The following UNC45B variants were observed in gnomAD, a reference collection of about 807,000 sequenced individuals.
UNC45B encodes the protein unc-45 myosin chaperone B.
A neutral mutation model predicts 98.7 loss-of-function variants in UNC45B; 78 were observed. The observed-to-expected ratio is 0.79, with a 90% confidence interval of 0.66 to 0.95. The LOEUF (loss-of-function observed/expected upper bound fraction) is 0.95, where lower values mean the gene tolerates loss of function less well. UNC45B is among the 40% of genes least tolerant of loss of function. UNC45B has a pLI of 0.00. For missense variants in UNC45B, 1,225 were observed against 1,184.9 expected, an observed-to-expected ratio of 1.03 and a Z score of -0.50; for synonymous variants, 462 against 480.4, an observed-to-expected ratio of 0.96 and a Z score of 0.50.
intron 6 of UNC45B, among the ~76,000 whole-genome samples, 195 bp from the exon 7 acceptor site, chr17:35,155,101 C>A (rs1489612605): frequency 6.6e-6 from 1 of 152,256 alleles, no homozygotes; most frequent in Non-Finnish European, 1.5e-5. Context: ...TGGCACAGCT[C>A]TGACCTCCAG....
rs1462835250 is a variant in UNC45B, at chr17:35,183,474, G to A, written c.2421G>A (p.Val807=). 4 of 1,603,876 alleles carry A rather than the reference G, an allele frequency of 2.5e-6. No homozygotes were observed. Among genetic ancestry groups the A allele is most frequent in the Non-Finnish European group, 3.4e-6 (4 of 1,174,652 alleles). The change falls in exon 19 of 20, where the codon GTG becomes GTA. Residue 807 remains valine (V), a synonymous_variant. Transcript: ENST00000394570. The stretch of plus-strand genomic sequence containing the variant: ...ACGGGAATGACCGGCTGAAGCTGGT[G>A]GTGCTGCTCTGCGGGGAGGATGATG... ...LADGNDRLKL[V]VLLCGEDDDK...
In UNC45B at chr17:35,164,046, G is replaced by C. The variant is rs1322230331; in HGVS notation, c.1031G>C (p.Cys344Ser). Residue 344 changes from cysteine (C) to serine (S), a missense_variant, in exon 9 of 20, where the codon TGC (cysteine) becomes TCC (serine). By Grantham distance (112) the Cys-to-Ser change is moderately radical. Coordinates refer to ENST00000394570, the MANE Select transcript of UNC45B (RefSeq NM_001267052.2). ...GGGCAGGTTCCAGATCTGCCATCCT[G>C]CCTGCCCCTGACTGACAACACCCGC... ...VVGQVPDLPS[C>S]LPLTDNTRML... 3 of 1,613,768 alleles carry C rather than the reference G, an allele frequency of 1.9e-6. No individual in the cohort carries two copies. In the African/African-American group the frequency reaches 4.0e-5, roughly 22 times the overall value.
In UNC45B at chr17:35,169,810, G is replaced by A. The variant is rs759533838; in HGVS notation, c.1453-27G>A. ...AGCCTTGGTGTCTCTGATCCTGCAT[G>A]TGTCTGCTGTCTCCTCTCCTCCTCA... is the stretch of plus-strand genomic sequence containing the variant. On this transcript the variant is annotated intron_variant, in intron 10 of 19. Coordinates refer to ENST00000394570, the MANE Select transcript of UNC45B (RefSeq NM_001267052.2). 4 of 1,605,314 alleles carry A rather than the reference G, an allele frequency of 2.5e-6. No individual in the cohort carries two copies. In the East Asian group the frequency reaches 8.9e-5, roughly 36 times the overall value.
At chr17:35,183,290 G>A in intron 18 of UNC45B, 137 bp from the exon 19 acceptor site, 1 of 912,148 alleles carries the variant, frequency 1.1e-6, no homozygotes, top group Non-Finnish European at 1.5e-6. Flanking sequence ...GGCTTCTTGG[G>A]GGAGGTAGCA....
At chr17:35,161,601 G>A (rs753387599) in intron 8 of UNC45B, among the ~76,000 whole-genome samples, 5 of 152,158 alleles carry the variant, frequency 3.3e-5, no homozygotes, top group Non-Finnish European at 5.9e-5. Flanking sequence ...CTTTTTAAAT[G>A]CATGCTTGTT....
intron 8 of UNC45B, 22 bp downstream of exon 8, chr17:35,159,567 G>T: frequency 6.2e-7 from 1 of 1,606,222 alleles, no homozygotes; most frequent in Non-Finnish European, 8.5e-7. Flanking sequence ...GGAAGGTTTG[G>T]GGCTTGCTCA....
intron 17 of UNC45B, 49 bp downstream of exon 17, chr17:35,177,659 G>A: frequency 7.2e-7 from 1 of 1,387,982 alleles, no homozygotes; most frequent in Non-Finnish European, 1.0e-6. Flanking sequence ...CTCAAAAAGT[G>A]TTTGTTTGAA....
intron 2 of UNC45B, 61 bp from the exon 3 acceptor site, chr17:35,148,912 C>G: frequency 1.9e-6 from 3 of 1,604,732 alleles, no homozygotes; most frequent in Non-Finnish European, 2.6e-6. Flanking sequence ...GGGACACTCT[C>G]TGGCCATCTC....
intron 13 of UNC45B, among the ~76,000 whole-genome samples, chr17:35,171,668 GA>G (rs1373884684): frequency 1.3e-5 from 2 of 152,080 alleles, no homozygotes; most frequent in African/African-American, 2.4e-5. Flanking sequence ...TTTCTATTTT[GA>G]AAAAAATCCA....
intron 13 of UNC45B, among the ~76,000 whole-genome samples, chr17:35,172,445 C>T (rs2092194024): frequency 6.6e-6 from 1 of 152,158 alleles, no homozygotes; most frequent in African/African-American, 2.4e-5. Flanking sequence ...AACAGGGTTT[C>T]ACCATATTGG....
rs780519148 is a variant in UNC45B, at chr17:35,171,306, A to G, written c.1690-16A>G. ...TTCCTTTCTGCTTTCCCTCTCCCCA[A>G]CCCTGTGCCTTCCAGACCAGTGACA... On this transcript the variant is annotated splice_polypyrimidine_tract_variant and intron_variant, in intron 12 of 19. Transcript: ENST00000394570. 12 of 1,612,748 alleles carry G rather than the reference A, an allele frequency of 7.4e-6. No individual in the cohort carries two copies. The highest frequency in any genetic ancestry group is 1.0e-5 in the Non-Finnish European group (12 of 1,179,292).
rs887863775 is a variant in UNC45B, at chr17:35,181,577, A to G, written c.2373+901A>G. ...AGGCTGAGGTGGATGCGTCACTTGA[A>G]GTCAGGAATTCGAGACCAGCCTGGC... On this transcript the variant is annotated intron_variant, in intron 18 of 19. Transcript: ENST00000394570. Among the ~76,000 whole-genome samples, 36 of 152,224 alleles carry G rather than the reference A, an allele frequency of 2.4e-4. 1 individual carries two copies. Among genetic ancestry groups the G allele is most frequent in the Middle Eastern group, 3.4e-3 (1 of 294 alleles).
chr17:35,166,086 T>TAAAAAAAAAA (rs55844448), intron 9 of UNC45B, among the ~76,000 whole-genome samples: 21 of 58,102 alleles, frequency 3.6e-4, no homozygotes, highest in Admixed American at 5.2e-4. Context: ...CCCTCATCTC[T>TAAAAAAAAAA]AAAAAAAAAA....
At chr17:35,170,769 C>T (rs1156295455) in intron 12 of UNC45B, among the ~76,000 whole-genome samples, 3 of 151,974 alleles carry the variant, frequency 2.0e-5, no homozygotes, top group African/African-American at 7.3e-5. Context: ...CTTGGGAGAT[C>T]GAGGCTGCAG....
intron 12 of UNC45B, among the ~76,000 whole-genome samples, chr17:35,171,036 A>G (rs2142570555): frequency 6.6e-6 from 1 of 152,234 alleles, no homozygotes; most frequent in South Asian, 2.1e-4. Flanking sequence ...GTTGGATGGG[A>G]AAGTGTTAGA....
chr17:35,176,501 G>A (rs1323665509), intron 15 of UNC45B, among the ~76,000 whole-genome samples: 1 of 152,126 alleles, frequency 6.6e-6, no homozygotes, highest in Non-Finnish European at 1.5e-5. Context: ...GGGTTTGGCT[G>A]CAACTCCGTC....
Position 35,152,848 on chromosome 17 carries a change from G to A in UNC45B, c.382-45G>A, listed in dbSNP as rs79901966. On this transcript the variant is annotated intron_variant, in intron 4 of 19. Coordinates refer to ENST00000394570, the MANE Select transcript of UNC45B (RefSeq NM_001267052.2). ...GAACTGAATGTGGAGCTGAAATGAC[G>A]TGGACCCCACCTGCCTCCTTCCCCA... 0.04 allele frequency: 59,447 copies of A among 1,479,346 alleles called. 1,391 individuals are homozygous for A. The highest frequency in any genetic ancestry group is 0.049 in the Non-Finnish European group (51,535 of 1,057,304). The allele number at this position is 1,479,346 out of a possible 1,614,324, so 91.6% of individuals were successfully genotyped here.
rs1364604921 is a variant in UNC45B at position 35,188,491 on chromosome 17, C to G, written c.*1932C>G. 1 of 135,798 alleles carries G rather than the reference C, an allele frequency of 7.4e-6. No individual in the cohort carries two copies. The highest frequency in any genetic ancestry group is 7.9e-5 in the Admixed American group (1 of 12,702). 8.4% of individuals were successfully genotyped at this position (135,798 alleles called of 1,614,324 possible). ...ACTTTTTTTTTTTTTTTTTTTGAGA[C>G]AGGGTCTTGCTCTGTAACCTAGGCT... On this transcript the variant is annotated 3_prime_UTR_variant, in exon 20 of 20. Coordinates refer to ENST00000394570, the MANE Select transcript of UNC45B (RefSeq NM_001267052.2).
At chr17:35,152,620 C>T (rs180920028) in intron 4 of UNC45B, among the ~76,000 whole-genome samples, 7 of 152,338 alleles carry the variant, frequency 4.6e-5, no homozygotes, top group East Asian at 1.9e-4. Flanking sequence ...AGATCCTTTA[C>T]GCCTTCCCAG....
Sources: gnomAD v4.1 joint callset for allele counts (sites outside exome capture counted in the v4.1 genomes callset) on GRCh38, gnomAD v4.1.1 for gene constraint, MANE v1.5 for transcripts, NCBI Gene and HGNC (gene_info 2026-07-23, HGNC 2026-07-21) for gene names.